Variants in SHCBP1 observed in about 807,000 individuals in gnomAD.
SHCBP1 encodes SHC SH2 domain-binding protein 1.
In SHCBP1, 60 loss-of-function variants were observed where a neutral mutation model predicts 75.1. The ratio of observed to expected loss-of-function variants is 0.80; its 90% CI spans 0.65 to 0.99. The LOEUF (loss-of-function observed/expected upper bound fraction) is 0.99, where lower values mean the gene tolerates loss of function less well. Ranked by LOEUF, SHCBP1 falls within the 50% of genes least tolerant of loss-of-function variation. SHCBP1 has a pLI of 0.00. For missense variants in SHCBP1, 709 were observed against 809.4 expected, an observed-to-expected ratio of 0.88 and a Z score of 1.50; for synonymous variants, 290 against 293.2, an observed-to-expected ratio of 0.99 and a Z score of 0.11.
chr16:46,582,086 A>C, intron 12 of SHCBP1, 32 bp from the exon 13 acceptor site: 1 of 1,567,402 alleles, frequency 6.4e-7, no homozygotes, highest in Non-Finnish European at 8.6e-7. Context: ...AACAAAGTTA[A>C]ATATACAAGC....
rs149657433 is a variant in SHCBP1 at position 46,588,358 on chromosome 16, T to A, written c.1465-4269A>T. Among the ~76,000 whole-genome samples the A allele has an allele frequency of 2.6e-5, 4 of 151,622 alleles. No homozygotes were observed. The East Asian group carries it at 7.7e-4, about 29-fold the overall frequency. ...AGGAAATAGAGACACAAAAAACCCTTCAAAAAATCAATGAATCCAGGAGTT... is the reference window on the plus strand; with the variant it reads ...AGGAAATAGAGACACAAAAAACCCTACAAAAAATCAATGAATCCAGGAGTT... On this transcript the variant is annotated intron_variant, in intron 10 of 12. Transcript: ENST00000303383.
chr16:46,583,447 A>AGTCTTCCTCTCT, intron 12 of SHCBP1, 69 bp downstream of exon 12: 1 of 1,477,836 alleles, frequency 6.8e-7, no homozygotes, highest in Non-Finnish European at 9.1e-7. Context: ...GAAGACTCAG[A>AGTCTTCCTCTCT]TCCTTAATCA....
At chr16:46,600,038 C>A in intron 8 of SHCBP1, 76 bp from the exon 9 acceptor site, 1 of 1,532,876 alleles carries the variant, frequency 6.5e-7, no homozygotes, top group Non-Finnish European at 8.8e-7. Context: ...GAACAAGTTT[C>A]TCTAGTTTAA....
At chr16:46,621,156 G>A in intron 1 of SHCBP1, 101 bp downstream of exon 1, 1 of 1,081,166 alleles carries the variant, frequency 9.2e-7, no homozygotes, top group Non-Finnish European at 1.3e-6. Flanking sequence ...ACCCTGGACA[G>A]ACGGGTCCGG....
intron 10 of SHCBP1, 81 bp downstream of exon 10, chr16:46,595,471 C>G: frequency 9.2e-7 from 1 of 1,082,270 alleles, no homozygotes; most frequent in Non-Finnish European, 1.4e-6. Flanking sequence ...GGAGTACACA[C>G]ATACATCTTG....
chr16:46,603,857 T>C, intron 7 of SHCBP1, 118 bp downstream of exon 7: 1 of 1,371,584 alleles, frequency 7.3e-7, no homozygotes. Flanking sequence ...TCTCACTACT[T>C]CCCATGCACA....
chr16:46,610,865 C>T (rs1472650703), intron 4 of SHCBP1, among the ~76,000 whole-genome samples: 1 of 151,948 alleles, frequency 6.6e-6, no homozygotes, highest in Non-Finnish European at 1.5e-5. Context: ...GGTCATTTAA[C>T]ATGTACTTTA....
chr16:46,593,716 G>A (rs574313665), intron 10 of SHCBP1, among the ~76,000 whole-genome samples: 9 of 86,508 alleles, frequency 1.0e-4, no homozygotes, highest in Non-Finnish European at 1.6e-4. Flanking sequence ...TCCAGCCTGA[G>A]TGACAGAACA....
intron 9 of SHCBP1, among the ~76,000 whole-genome samples, chr16:46,598,203 G>C (rs1567446635): frequency 6.6e-6 from 1 of 152,134 alleles, no homozygotes; most frequent in African/African-American, 2.4e-5. Context: ...ATGACATCTA[G>C]AATGATGACT....
Position 46,601,545 on chromosome 16 carries a change from G to A in SHCBP1, c.1214-1583C>T, listed in dbSNP as rs117553648. Among the ~76,000 whole-genome samples the A allele has an allele frequency of 1.4e-4, 22 of 152,164 alleles. No individual in the cohort carries two copies. The East Asian group carries it at 2.5e-3, about 17-fold the overall frequency. ...GTAACTGTTTTTAACAAGCAAAGCC[G>A]CTCAATGTATCTACACTGGAAGAGG... On this transcript the variant is annotated intron_variant, in intron 8 of 12. Transcript: ENST00000303383.
intron 8 of SHCBP1, among the ~76,000 whole-genome samples, chr16:46,602,895 T>G (rs929168556): frequency 6.6e-6 from 1 of 152,320 alleles, no homozygotes; most frequent in Non-Finnish European, 1.5e-5. Flanking sequence ...CCTCCCAAAG[T>G]GCTGGGATTA....
At chr16:46,586,927 C>T (rs993230922) in intron 10 of SHCBP1, among the ~76,000 whole-genome samples, 1 of 151,348 alleles carries the variant, frequency 6.6e-6, no homozygotes, top group Non-Finnish European at 1.5e-5. Context: ...CACCAGCAGA[C>T]GTATCTTCAT....
chr16:46,603,090 C>T (rs1349855282), intron 8 of SHCBP1, among the ~76,000 whole-genome samples: 1 of 152,034 alleles, frequency 6.6e-6, no homozygotes. Context: ...ATACCTCTCA[C>T]GAAAATAAGC....
At chr16:46,618,444 T>C (rs1017107198) in intron 1 of SHCBP1, 72 bp from the exon 2 acceptor site, 3 of 1,422,200 alleles carry the variant, frequency 2.1e-6, no homozygotes, top group Admixed American at 2.9e-5. Flanking sequence ...TATCCTTGCA[T>C]AGAAATCCCA....
chr16:46,600,321 G>A (rs539259129), intron 8 of SHCBP1, among the ~76,000 whole-genome samples: 2 of 152,258 alleles, frequency 1.3e-5, no homozygotes, highest in East Asian at 1.9e-4. Context: ...AAAAAAATTA[G>A]TCAGGCATGG....
chr16:46,588,155 G>A lies in SHCBP1; in HGVS notation c.1465-4066C>T, dbSNP rs1964982418. 2.0e-5 allele frequency among the ~76,000 whole-genome samples: 3 copies of A among 152,176 alleles called. No individual in the cohort carries two copies. In the South Asian group the frequency reaches 6.2e-4, roughly 32 times the overall value. On this transcript the variant is annotated intron_variant, in intron 10 of 12. Transcript: ENST00000303383. Reference sequence around the variant, plus strand: ...AGACACAACATACCAGAATCTCTGGGACACATTTAAAGCAGTGTGTAGAAG... The same window carrying A: ...AGACACAACATACCAGAATCTCTGGAACACATTTAAAGCAGTGTGTAGAAG...
At chr16:46,612,332 G>C (rs1229027503) in intron 4 of SHCBP1, among the ~76,000 whole-genome samples, 1 of 152,194 alleles carries the variant, frequency 6.6e-6, no homozygotes, top group Admixed American at 6.5e-5. Flanking sequence ...GAGACACCAG[G>C]AAGTATAGAC....
chr16:46,601,813 T>C (rs976979271), intron 8 of SHCBP1, among the ~76,000 whole-genome samples: 1 of 152,262 alleles, frequency 6.6e-6, no homozygotes, highest in South Asian at 2.1e-4. Context: ...TAATTATGTA[T>C]TTCTTTCCAC....
intron 9 of SHCBP1, among the ~76,000 whole-genome samples, chr16:46,598,586 C>T (rs887054225): frequency 6.6e-6 from 1 of 152,126 alleles, no homozygotes. Context: ...CAGAGTAGAT[C>T]TGGCATAATT....
Sources: gnomAD v4.1 joint callset for allele counts (sites outside exome capture counted in the v4.1 genomes callset) on GRCh38, gnomAD v4.1.1 for gene constraint, MANE v1.5 for transcripts, NCBI Gene and HGNC (gene_info 2026-07-23, HGNC 2026-07-21) for gene names.